Variants in DNMT3L observed in about 807,000 individuals in gnomAD.
The protein encoded by DNMT3L is DNA methyltransferase 3 like, also known as DNA (cytosine-5)-methyltransferase 3-like.
Under a neutral mutation model 36.2 loss-of-function variants are expected in DNMT3L, and 33 were observed. The observed-to-expected ratio is 0.91, with a 90% CI of 0.69 to 1.22. The LOEUF is 1.22. Among genes scored for constraint, DNMT3L ranks in the 50% most tolerant of loss-of-function variants. The pLI is 0.00. For missense variants in DNMT3L, 310 were observed against 303.1 expected (o/e 1.02, Z -0.17); for synonymous variants, 117 against 121.7 (o/e 0.96, Z 0.26).
At chr21:44,260,454 C>T (rs112160361) in intron 3 of DNMT3L, among the ~76,000 whole-genome samples, 170 of 152,202 alleles carry the variant, frequency 1.1e-3, no homozygotes, top group African/African-American at 3.9e-3. Context: ...ACACGTGGCA[C>T]AGTGGTGTCC....
intron 2 of DNMT3L, 99 bp from the exon 3 acceptor site, chr21:44,260,938 A>G (rs2040312043): frequency 4.4e-6 from 7 of 1,581,398 alleles, no homozygotes; most frequent in Middle Eastern, 1.8e-4. Context: ...TTCCAAAGTC[A>G]CAGGAGCCTG....
chr21:44,259,326 A>C, intron 5 of DNMT3L, 111 bp downstream of exon 5: 1 of 1,105,552 alleles, frequency 9.0e-7, no homozygotes, highest in South Asian at 1.4e-5. Flanking sequence ...AGAAGCTCTC[A>C]GGGAAATCAT....
intron 3 of DNMT3L, among the ~76,000 whole-genome samples, chr21:44,260,184 T>G (rs528496967): frequency 6.6e-6 from 1 of 151,604 alleles, no homozygotes. Flanking sequence ...CCTAAATTCA[T>G]ACGGAAATGC....
At chr21:44,257,507 C>T (rs1481080348) in intron 6 of DNMT3L, among the ~76,000 whole-genome samples, 2 of 151,578 alleles carry the variant, frequency 1.3e-5, no homozygotes, top group African/African-American at 2.4e-5. Context: ...CTGTGAAACC[C>T]CGTCTCTACT....
chr21:44,254,503 C>T, intron 8 of DNMT3L, 114 bp downstream of exon 8: 1 of 1,208,210 alleles, frequency 8.3e-7, no homozygotes, highest in Non-Finnish European at 1.2e-6. Context: ...GTGTTCAGGA[C>T]TCCTCCCAGC....
At position 44,258,559 on chromosome 21, in the gene DNMT3L, C is replaced by T. The variant is rs958990963; in HGVS notation, c.480G>A (p.Trp160Ter). Residue 160 changes from tryptophan (W) to a stop codon, truncating the protein, a stop_gained, in exon 6 of 12, where the codon TGG (tryptophan) becomes TGA (stop). Transcript: ENST00000628202. LOFTEE classifies it high-confidence loss of function. This position sits in a 1 kb window ranked among gnomAD's most constrained non-coding sequence, Gnocchi z 6.2. Reference sequence around the variant, plus strand: ...CGTAGAAGGCCTTGAGCTGGCTGCGCCACTTCCTCCGACGCTGCAGCAGCC... The same window carrying T: ...CGTAGAAGGCCTTGAGCTGGCTGCGTCACTTCCTCCGACGCTGCAGCAGCC... ...RSGLLQRRRKWRSQLKAFYDR... is the reference protein window; with the variant it reads ...RSGLLQRRRK 6.3e-7 allele frequency: 1 copy of T among 1,598,666 alleles called. No individual in the cohort carries two copies. The highest frequency in any genetic ancestry group is 2.3e-5 in the East Asian group (1 of 44,120).
chr21:44,260,025 G>A lies in DNMT3L; in HGVS notation c.152-314C>T, dbSNP rs559406105. On this transcript the variant is annotated intron_variant, in intron 3 of 11. Coordinates refer to ENST00000628202, the MANE Select transcript of DNMT3L (RefSeq NM_175867.3). Reference sequence around the variant, plus strand: ...GATCATGCCTCTGCACTCCAGCCTGGGGGACAGAGTGAGAGTGTGTCTCAA... The same window carrying A: ...GATCATGCCTCTGCACTCCAGCCTGAGGGACAGAGTGAGAGTGTGTCTCAA... Among the ~76,000 whole-genome samples, 4 of 147,896 alleles carry A rather than the reference G, an allele frequency of 2.7e-5. No homozygotes were observed. The East Asian group carries it at 7.8e-4, about 29-fold the overall frequency.
chr21:44,253,305 C>T (rs1156271451), intron 8 of DNMT3L, among the ~76,000 whole-genome samples: 1 of 121,468 alleles, frequency 8.2e-6, no homozygotes, highest in African/African-American at 3.3e-5. Flanking sequence ...CAAAACACAG[C>T]CACCCAACAA....
chr21:44,257,302 G>A (rs972833654), intron 6 of DNMT3L, among the ~76,000 whole-genome samples: 3 of 152,198 alleles, frequency 2.0e-5, no homozygotes, highest in African/African-American at 7.2e-5. Context: ...GCTTGAACCC[G>A]GGAGGCCGAG....
At chr21:44,260,069 A>AAAAAG (rs2040303382) in intron 3 of DNMT3L, among the ~76,000 whole-genome samples, 1 of 151,232 alleles carries the variant, frequency 6.6e-6, no homozygotes, top group African/African-American at 2.4e-5. Context: ...AAAAAAAAAA[A>AAAAAG]AAGAAGAAGA....
At chr21:44,254,100 G>C (rs1403175269) in intron 8 of DNMT3L, among the ~76,000 whole-genome samples, 1 of 152,188 alleles carries the variant, frequency 6.6e-6, no homozygotes, top group African/African-American at 2.4e-5. Flanking sequence ...CCAAGGCAGC[G>C]GGGAATCTGG....
rs2040299330 is a variant in DNMT3L at position 44,259,675 on chromosome 21, G to A, written c.188C>T (p.Thr63Ile). 2 of 1,612,968 alleles carry A rather than the reference G, an allele frequency of 1.2e-6. No individual in the cohort carries two copies. Among genetic ancestry groups the A allele is most frequent in the Non-Finnish European group, 1.7e-6 (2 of 1,179,680 alleles). ...CCCTCCCTCAAACAGAGGGTGCTGT[G>A]TGTGAACCTGGAGACTTCCGCAGCA... ...CICCGSLQVH[T>I]QHPLFEGGIC... Residue 63 changes from threonine to isoleucine, a missense_variant, in exon 4 of 12, where the codon ACA becomes ATA. Transcript: ENST00000628202.
intron 7 of DNMT3L, among the ~76,000 whole-genome samples, chr21:44,255,779 A>C (rs1288646316): frequency 1.3e-5 from 2 of 152,184 alleles, no homozygotes; most frequent in African/African-American, 4.8e-5. Context: ...GGCCGCTCTG[A>C]GACACTTGTG....
chr21:44,254,084 A>C (rs910239780), intron 8 of DNMT3L, among the ~76,000 whole-genome samples: 1 of 152,118 alleles, frequency 6.6e-6, no homozygotes, highest in Admixed American at 6.5e-5. Context: ...GTGGCATGGG[A>C]AGGCACCAAG....
At position 44,258,803 on chromosome 21, in the gene DNMT3L, A is replaced by G; in HGVS notation, c.345-109T>C. The G allele has an allele frequency of 7.0e-7, 1 of 1,435,658 alleles. No individual in the cohort carries two copies. The highest frequency in any genetic ancestry group is 9.3e-7 in the Non-Finnish European group (1 of 1,074,718). The allele number at this position is 1,435,658 out of a possible 1,614,324, so 88.9% of individuals were successfully genotyped here. A position where few individuals can be genotyped will look rare whatever the true frequency, so the allele number is the denominator to read the frequency against. ...GTTTTGGAGGGAAAAGTCACGCTGGAGCTCCCTTTGGGAAGACCAGGTGGT... is the reference window on the plus strand; with the variant it reads ...GTTTTGGAGGGAAAAGTCACGCTGGGGCTCCCTTTGGGAAGACCAGGTGGT... On this transcript the variant is annotated intron_variant, in intron 5 of 11. Transcript: ENST00000628202. This position sits in a 1 kb window ranked among gnomAD's most constrained non-coding sequence, Gnocchi z 6.2.
chr21:44,256,239 A>T, intron 6 of DNMT3L, 85 bp from the exon 7 acceptor site: 1 of 1,381,186 alleles, frequency 7.2e-7, no homozygotes, highest in Non-Finnish European at 1.0e-6. Context: ...TCTTCCCTGG[A>T]TGAACACTCA....
intron 1 of DNMT3L, 67 bp from the exon 2 acceptor site, chr21:44,261,333 C>A: frequency 6.8e-7 from 1 of 1,464,644 alleles, no homozygotes; most frequent in Non-Finnish European, 9.4e-7. Context: ...CCTGATGCAC[C>A]CCAGCACGGG....
intron 3 of DNMT3L, 120 bp downstream of exon 3, chr21:44,260,675 C>A: frequency 7.4e-7 from 1 of 1,351,540 alleles, no homozygotes; most frequent in Non-Finnish European, 1.1e-6. Flanking sequence ...CTAGGCTGGT[C>A]TCAAACTCCT....
intron 6 of DNMT3L, 48 bp from the exon 7 acceptor site, chr21:44,256,202 A>G (rs1334552064): frequency 1.9e-6 from 3 of 1,592,000 alleles, no homozygotes; most frequent in African/African-American, 1.3e-5. Context: ...CTACTTGGCT[A>G]CAGAGCCCTT....
Sources: gnomAD v4.1 joint callset for allele counts (sites outside exome capture counted in the v4.1 genomes callset) on GRCh38, gnomAD v4.1.1 for gene constraint, Gnocchi (gnomAD v3.1) non-coding constraint, MANE v1.5 for transcripts, NCBI Gene and HGNC (gene_info 2026-07-23, HGNC 2026-07-21) for gene names.